GATA4: variants seen among roughly 807,000 people sequenced by gnomAD.
GATA4 encodes the protein GATA binding protein 4, also known as transcription factor GATA-4.
Under a neutral mutation model 37.9 loss-of-function variants are expected in GATA4, and 7 were observed. That is an observed-to-expected ratio of 0.18 (90% CI 0.11 to 0.35). The LOEUF (loss-of-function observed/expected upper bound fraction) is 0.35, where lower values mean the gene tolerates loss of function less well. GATA4 is among the 10% of genes least tolerant of loss of function. The pLI, the probability that GATA4 is intolerant of heterozygous loss-of-function variation, is 1.00. For missense variants in GATA4, 647 were observed against 653.0 expected, an observed-to-expected ratio of 0.99 and a Z score of 0.10; for synonymous variants, 372 against 292.6, an observed-to-expected ratio of 1.27 and a Z score of -2.77.
intron 2 of GATA4, among the ~76,000 whole-genome samples, chr8:11,739,280 C>T (rs752081520): frequency 3.3e-5 from 5 of 152,286 alleles, no homozygotes; most frequent in South Asian, 2.1e-4. Context: ...CTCCAATTTC[C>T]GTATGGCTTT....
intron 2 of GATA4, among the ~76,000 whole-genome samples, chr8:11,741,365 G>A (rs544047152): frequency 6.7e-4 from 102 of 152,210 alleles, no homozygotes; most frequent in African/African-American, 2.4e-3. Flanking sequence ...TGTAGTCCCA[G>A]CTACTCAGGA....
At chr8:11,758,244 C>T in intron 6 of GATA4, 49 bp from the exon 7 acceptor site, 1 of 1,602,294 alleles carries the variant, frequency 6.2e-7, no homozygotes. Flanking sequence ...ACCTCCCAAG[C>T]CCTCAGGAGC....
rs925108841 is a variant in GATA4 at position 11,749,724 on chromosome 8, T to G, written c.787-387T>G. On this transcript the variant is annotated intron_variant, in intron 3 of 6. Coordinates refer to ENST00000532059, the MANE Select transcript of GATA4 (RefSeq NM_001308093.3). This position sits in a 1 kb window ranked among gnomAD's most constrained non-coding sequence, Gnocchi z 4.6. ...AGGGCCATTCAGACTTTGATACCAT[T>G]TGGACACCGTGATTCCTCACTCTCT... Among the ~76,000 whole-genome samples the G allele has an allele frequency of 1.4e-4, 22 of 152,120 alleles. No homozygotes were observed. Among genetic ancestry groups the G allele is most frequent in the African/African-American group, 4.8e-4 (20 of 41,406 alleles).
chr8:11,695,055 C>A (rs1408404913), intron 1 of GATA4, among the ~76,000 whole-genome samples: 1 of 152,164 alleles, frequency 6.6e-6, no homozygotes, highest in Non-Finnish European at 1.5e-5. Context: ...TGATGGTAGC[C>A]CATCCATGTG....
At chr8:11,693,188 G>A in intron 1 of GATA4, 1 of 704,468 alleles carries the variant, frequency 1.4e-6, no homozygotes, top group Non-Finnish European at 1.7e-6. Context: ...TCGGCAAGCT[G>A]GGCGCGGTGG....
At chr8:11,756,476 G>A (rs1802573978) in intron 5 of GATA4, 1 of 224,516 alleles carries the variant, frequency 4.5e-6, no homozygotes, top group African/African-American at 2.3e-5. Flanking sequence ...TCCAAATCCA[G>A]GAAGCAAGAT....
At chr8:11,711,109 A>T (rs139484027) in intron 2 of GATA4, among the ~76,000 whole-genome samples, 1 of 152,208 alleles carries the variant, frequency 6.6e-6, no homozygotes, top group Non-Finnish European at 1.5e-5. Flanking sequence ...TCTCAAAACA[A>T]ACAAACAAAA....
chr8:11,684,998 C>G (rs1174360652), intron 1 of GATA4, among the ~76,000 whole-genome samples: 2 of 152,132 alleles, frequency 1.3e-5, no homozygotes, highest in Non-Finnish European at 2.9e-5. Context: ...CCCACTTTTT[C>G]TGGTAATAGA....
Position 11,749,011 on chromosome 8 carries a change from C to G in GATA4, c.712C>G (p.Leu238Val). Reference protein sequence around the residue: ...LWRRDGTGHYLCNACGLYHKM... With the variant: ...LWRRDGTGHYVCNACGLYHKM... Reference sequence around the variant, plus strand: ...GAGGCGAGATGGGACGGGTCACTATCTGTGCAACGCCTGCGGCCTCTACCA... The same window carrying G: ...GAGGCGAGATGGGACGGGTCACTATGTGTGCAACGCCTGCGGCCTCTACCA... Residue 238 changes from leucine to valine, a missense_variant, in exon 3 of 7, where the codon CTG becomes GTG. Physicochemically the swap from Leu to Val is conservative, Grantham distance 32 (BLOSUM62 1). Coordinates refer to ENST00000532059, the MANE Select transcript of GATA4 (RefSeq NM_001308093.3). The surrounding 1 kb of genome is among the most constrained non-coding windows in gnomAD (Gnocchi z 4.6). The G allele has an allele frequency of 6.2e-7, 1 of 1,614,260 alleles. No individual in the cohort carries two copies. The highest frequency in any genetic ancestry group is 8.5e-7 in the Non-Finnish European group (1 of 1,180,042).
intron 2 of GATA4, among the ~76,000 whole-genome samples, chr8:11,725,986 G>C (rs145101766): frequency 1.3e-3 from 201 of 152,258 alleles, no homozygotes; most frequent in African/African-American, 4.6e-3. Context: ...TCTACCTTCT[G>C]GTGCTGTCCT....
intron 2 of GATA4, among the ~76,000 whole-genome samples, chr8:11,740,550 C>T (rs943523546): frequency 6.6e-6 from 1 of 152,234 alleles, no homozygotes; most frequent in Non-Finnish European, 1.5e-5. Flanking sequence ...CTGATCGTAG[C>T]TTCCCACATG....
At chr8:11,724,218 T>G (rs994505471) in intron 2 of GATA4, among the ~76,000 whole-genome samples, 1 of 152,194 alleles carries the variant, frequency 6.6e-6, no homozygotes, top group Non-Finnish European at 1.5e-5. Flanking sequence ...CATCCCTCCA[T>G]AGACAATTGG....
At chr8:11,687,104 G>A (rs183993211) in intron 1 of GATA4, among the ~76,000 whole-genome samples, 25 of 152,300 alleles carry the variant, frequency 1.6e-4, no homozygotes, top group Admixed American at 1.4e-3. Flanking sequence ...GATGTGCAGA[G>A]GATGCCTTCC....
At chr8:11,755,553 C>A (rs1802516283) in intron 5 of GATA4, among the ~76,000 whole-genome samples, 1 of 152,218 alleles carries the variant, frequency 6.6e-6, no homozygotes. Flanking sequence ...ACAGATTGAT[C>A]TCTAAGCCAA....
rs368364115 is a variant in GATA4 at position 11,755,005 on chromosome 8, C to G, written c.913-41C>G. 4.0e-6 allele frequency: 6 copies of G among 1,497,720 alleles called. No homozygotes were observed. The Admixed American group carries it at 8.4e-5, about 21-fold the overall frequency. The allele number at this position is 1,497,720 out of a possible 1,614,324, so 92.8% of individuals were successfully genotyped here. ...TCTTTCAATGCTGTAGCAGACTACGCAGAAATGGAAAACCCTATATATTTA... is the reference window on the plus strand; with the variant it reads ...TCTTTCAATGCTGTAGCAGACTACGGAGAAATGGAAAACCCTATATATTTA... On this transcript the variant is annotated intron_variant, in intron 4 of 6. Coordinates refer to ENST00000532059, the MANE Select transcript of GATA4 (RefSeq NM_001308093.3).
At chr8:11,724,871 A>C (rs1800841425) in intron 2 of GATA4, among the ~76,000 whole-genome samples, 1 of 152,212 alleles carries the variant, frequency 6.6e-6, no homozygotes, top group Admixed American at 6.5e-5. Context: ...CAAATAGGGA[A>C]GGAAGGCCAT....
intron 2 of GATA4, among the ~76,000 whole-genome samples, chr8:11,713,874 A>G (rs953310513): frequency 2.6e-5 from 4 of 152,170 alleles, no homozygotes; most frequent in African/African-American, 7.2e-5. Flanking sequence ...TGTGAAACGG[A>G]CGTAGCCGGA....
At chr8:11,695,580 T>A (rs1367869317) in intron 1 of GATA4, among the ~76,000 whole-genome samples, 2 of 152,174 alleles carry the variant, frequency 1.3e-5, no homozygotes, top group East Asian at 3.9e-4. Flanking sequence ...GTCCTTGGCT[T>A]ACCCTTGCCT....
intron 4 of GATA4, among the ~76,000 whole-genome samples, chr8:11,753,248 CCT>C (rs1483473669): frequency 6.6e-6 from 1 of 152,060 alleles, no homozygotes; most frequent in Non-Finnish European, 1.5e-5. Flanking sequence ...AATTCTGGCC[CCT>C]GACACCACAT....
Sources: allele counts gnomAD v4.1 joint callset (sites outside exome capture counted in the v4.1 genomes callset), GRCh38; gene constraint gnomAD v4.1.1; non-coding constraint Gnocchi (gnomAD v3.1); transcripts MANE v1.5; gene names NCBI Gene and HGNC (gene_info 2026-07-23, HGNC 2026-07-21).